The following TBCK variants were observed in gnomAD, a reference collection of about 807,000 sequenced individuals.
TBCK encodes the protein TBC domain-containing protein kinase-like protein.
TBCK carries 99 observed loss-of-function variants against 113.4 expected under a neutral mutation model. That is an observed-to-expected ratio of 0.87 (90% CI 0.74 to 1.03). The LOEUF is 1.03. Ranked by LOEUF, TBCK falls within the 50% of genes least tolerant of loss-of-function variation. The probability of loss-of-function intolerance (pLI) is 0.00; values close to 1 mark genes in which losing one functional copy is unlikely to be tolerated. For synonymous variants in TBCK, 369 were observed against 370.8 expected, an observed-to-expected ratio of 1.00 and a Z score of 0.05; for missense variants, 1,045 against 1,061.3, an observed-to-expected ratio of 0.98 and a Z score of 0.21.
chr4:106,205,042 C>T (rs972310001), intron 20 of TBCK, among the ~76,000 whole-genome samples: 1 of 151,320 alleles, frequency 6.6e-6, no homozygotes, highest in African/African-American at 2.4e-5. Flanking sequence ...TGGGATTACA[C>T]GCGTGAGCCA....
chr4:106,227,577 A>G (rs952475804), intron 19 of TBCK, among the ~76,000 whole-genome samples: 3 of 151,922 alleles, frequency 2.0e-5, no homozygotes, highest in Non-Finnish European at 4.4e-5. Context: ...CAGATACAAC[A>G]TCTAGTATTC....
chr4:106,134,467 A>G (rs891029761), intron 23 of TBCK, among the ~76,000 whole-genome samples: 1 of 152,254 alleles, frequency 6.6e-6, no homozygotes, highest in African/African-American at 2.4e-5. Context: ...CTAACTGAGA[A>G]GGGACAGAGT....
At chr4:106,316,604 G>A (rs1252185434), upstream of TBCK, 2 of 1,550,954 alleles carry the variant, frequency 1.3e-6, no homozygotes, top group Non-Finnish European at 1.7e-6. Context: ...TGTGAGTGAC[G>A]TCGTGGCGGG....
chr4:106,166,096 T>C (rs562069697), intron 23 of TBCK, among the ~76,000 whole-genome samples: 1 of 151,914 alleles, frequency 6.6e-6, no homozygotes, highest in South Asian at 2.1e-4. Context: ...ATTCTGATTA[T>C]GCTAATTTTA....
At chr4:106,220,939 T>C (rs1334694790) in intron 19 of TBCK, among the ~76,000 whole-genome samples, 3 of 152,334 alleles carry the variant, frequency 2.0e-5, no homozygotes, top group East Asian at 1.9e-4. Flanking sequence ...AATGAAAGCA[T>C]ACAGTTATTA....
intron 20 of TBCK, among the ~76,000 whole-genome samples, chr4:106,195,187 T>C (rs1754074777): frequency 6.6e-6 from 1 of 152,146 alleles, no homozygotes; most frequent in Non-Finnish European, 1.5e-5. Context: ...TTAAATTTAA[T>C]TTGTCAAAGG....
intron 22 of TBCK, among the ~76,000 whole-genome samples, chr4:106,181,755 G>A (rs1051242805): frequency 4.6e-5 from 7 of 152,128 alleles, no homozygotes; most frequent in African/African-American, 7.2e-5. Context: ...GTACCATGCT[G>A]TTTTGGTTAC....
chr4:106,102,497 T>C (rs1411389521), intron 24 of TBCK, among the ~76,000 whole-genome samples: 1 of 152,160 alleles, frequency 6.6e-6, no homozygotes, highest in Non-Finnish European at 1.5e-5. Flanking sequence ...GGCTGTCCCT[T>C]AAATTTATTG....
At chr4:106,172,407 T>A (rs552118719) in intron 22 of TBCK, among the ~76,000 whole-genome samples, 2 of 152,236 alleles carry the variant, frequency 1.3e-5, no homozygotes, top group East Asian at 3.9e-4. Flanking sequence ...CAGTCCTCTA[T>A]GGCGAAAGTA....
intron 25 of TBCK, among the ~76,000 whole-genome samples, chr4:106,068,367 G>A (rs1357175401): frequency 6.6e-6 from 1 of 151,842 alleles, no homozygotes; most frequent in African/African-American, 2.4e-5. Flanking sequence ...TGTTCTCATT[G>A]TTCAATTCCC....
Position 106,280,352 on chromosome 4 carries a change from C to A in TBCK, c.266+14742G>T, listed in dbSNP as rs542323438. Among the ~76,000 whole-genome samples, 4 of 152,130 alleles carry A rather than the reference C, an allele frequency of 2.6e-5. No homozygotes were observed. The East Asian group carries it at 7.7e-4, about 29-fold the overall frequency. On this transcript the variant is annotated intron_variant, in intron 3 of 25. Coordinates refer to ENST00000394708, the MANE Select transcript of TBCK (RefSeq NM_001163435.3). ...TATTAGCCCCTTGTCAGACAGTTTA[C>A]AAATATTTATTCCCAATCTGTGAGT...
At chr4:106,152,957 C>T (rs1432150489) in intron 23 of TBCK, among the ~76,000 whole-genome samples, 2 of 151,856 alleles carry the variant, frequency 1.3e-5, no homozygotes, top group African/African-American at 2.4e-5. Flanking sequence ...TGGATCTTCT[C>T]GTTTTTTGGT....
intron 12 of TBCK, among the ~76,000 whole-genome samples, chr4:106,238,301 T>C (rs1759696638): frequency 1.3e-5 from 2 of 152,146 alleles, no homozygotes; most frequent in South Asian, 4.1e-4. Flanking sequence ...ATTTTAATTT[T>C]CTGTTGCTGG....
chr4:106,071,531 T>G (rs1167999757), intron 25 of TBCK, among the ~76,000 whole-genome samples: 1 of 152,188 alleles, frequency 6.6e-6, no homozygotes, highest in African/African-American at 2.4e-5. Context: ...TGTGGTCAAT[T>G]TTGGAATAAA....
chr4:106,087,836 C>T (rs961102471), intron 25 of TBCK, among the ~76,000 whole-genome samples: 2 of 152,156 alleles, frequency 1.3e-5, no homozygotes, highest in Non-Finnish European at 2.9e-5. Flanking sequence ...CTGACAAAAA[C>T]GAGCAGTGGG....
rs187333378 is a variant in TBCK at position 106,169,198 on chromosome 4, G to A, written c.2235+1897C>T. Among the ~76,000 whole-genome samples, 56 of 152,116 alleles carry A rather than the reference G, an allele frequency of 3.7e-4. 1 individual carries two copies. The East Asian group carries it at 0.01, about 27-fold the overall frequency. On this transcript the variant is annotated intron_variant, in intron 23 of 25. Transcript: ENST00000394708. ...AAAATAGCAGCAAGTTATTTTGTAG[G>A]TATCAACAAACTAATTTTAAAGTTT...
intron 24 of TBCK, among the ~76,000 whole-genome samples, chr4:106,110,949 A>T (rs1742778223): frequency 6.6e-6 from 1 of 152,086 alleles, no homozygotes; most frequent in Non-Finnish European, 1.5e-5. Context: ...CTGGTAATGC[A>T]AGATCAACAA....
intron 22 of TBCK, among the ~76,000 whole-genome samples, chr4:106,179,482 T>C (rs56210891): frequency 0.045 from 6,870 of 152,118 alleles, 520 homozygotes; most frequent in African/African-American, 0.15. Context: ...TACTATAATT[T>C]CCTTTATAAT....
chr4:106,311,801 C>G (rs184134316), intron 1 of TBCK, among the ~76,000 whole-genome samples: 24 of 152,014 alleles, frequency 1.6e-4, no homozygotes, highest in African/African-American at 5.5e-4. Flanking sequence ...TAAATTGATT[C>G]TCAACAAAAG....
Sources: allele counts gnomAD v4.1 joint callset (sites outside exome capture counted in the v4.1 genomes callset), GRCh38; gene constraint gnomAD v4.1.1; transcripts MANE v1.5; gene names NCBI Gene and HGNC (gene_info 2026-07-23, HGNC 2026-07-21).